The following ASXL1 variants were observed in gnomAD, a reference collection of about 807,000 sequenced individuals.
ASXL1 encodes ASXL transcriptional regulator 1, also known as polycomb group protein ASXL1.
In ASXL1, 65 loss-of-function variants were observed where a neutral mutation model predicts 89.1. That is an observed-to-expected ratio of 0.73 (90% CI 0.60 to 0.90). The LOEUF (loss-of-function observed/expected upper bound fraction) is 0.90. Among genes scored for constraint, ASXL1 ranks in the 40% least tolerant of loss-of-function variants. The pLI is 0.00. For synonymous variants in ASXL1, 739 were observed against 746.9 expected (o/e 0.99, Z 0.17); for missense variants, 1,786 against 1,942.9 (o/e 0.92, Z 1.52).
At chr20:32,431,729 G>C (rs925343962) in intron 10 of ASXL1, 50 bp downstream of exon 10, 1 of 1,570,622 alleles carries the variant, frequency 6.4e-7, no homozygotes, top group Non-Finnish European at 8.7e-7. Flanking sequence ...CTGTCGTGTG[G>C]TGTTGCATGT....
At chr20:32,420,005 T>A (rs1034906943) in intron 4 of ASXL1, among the ~76,000 whole-genome samples, 6 of 151,914 alleles carry the variant, frequency 3.9e-5, no homozygotes, top group African/African-American at 1.4e-4. Context: ...TAATTGATGA[T>A]GTTAATTGGT....
In ASXL1 at chr20:32,437,732, AC is replaced by A; in HGVS notation, c.*399del. ...TAAGTAGAAATGCCAGTCTTCCACT[AC>A]CCCCTCCCTGCCATCTTTTCTTCTG... On this transcript the variant is annotated 3_prime_UTR_variant, in exon 13 of 13. Transcript: ENST00000375687. 1 of 295,864 alleles carries A rather than the reference AC, an allele frequency of 3.4e-6. No individual in the cohort carries two copies. The highest frequency in any genetic ancestry group is 6.4e-6 in the Non-Finnish European group (1 of 156,670). 18.3% of individuals were successfully genotyped at this position (295,864 alleles called of 1,614,324 possible).
chr20:32,387,393 T>C (rs1038828570), intron 4 of ASXL1, among the ~76,000 whole-genome samples: 1 of 152,244 alleles, frequency 6.6e-6, no homozygotes, highest in African/African-American at 2.4e-5. Context: ...CTCAGATGCC[T>C]GCTGATCCTT....
In ASXL1 at chr20:32,434,669, G is replaced by A. The variant is rs537734228; in HGVS notation, c.1957G>A (p.Gly653Arg). Residue 653 changes from glycine to arginine, a missense_variant, in exon 13 of 13, where the codon GGG becomes AGG. Gly to Arg is a moderately radical substitution (Grantham distance 125). Coordinates refer to ENST00000375687, the MANE Select transcript of ASXL1 (RefSeq NM_015338.6). The part of the protein sequence containing the change: ...GGGGPGGGGG[G>R]ATDEGGGRGS... ...GGGTGGCCCGGGTGGAGGTGGCGGC[G>A]GGGCCACCGATGAGGGAGGTGGCAG... 60 of 1,602,068 alleles carry A rather than the reference G, an allele frequency of 3.7e-5. No homozygotes were observed. The Middle Eastern group carries it at 8.3e-4, about 22-fold the overall frequency.
chr20:32,417,038 TAAA>T (rs1230744715), intron 4 of ASXL1, among the ~76,000 whole-genome samples: 1 of 152,198 alleles, frequency 6.6e-6, no homozygotes, highest in Non-Finnish European at 1.5e-5. Context: ...GATTTAGTAG[TAAA>T]ACCTGACCTG....
intron 4 of ASXL1, among the ~76,000 whole-genome samples, chr20:32,382,664 T>C (rs1401990343): frequency 6.7e-6 from 1 of 150,340 alleles, no homozygotes; most frequent in Non-Finnish European, 1.5e-5. Context: ...CTCATGCCTG[T>C]GTTCCCAGCT....
At chr20:32,422,487 C>G (rs540751842) in intron 4 of ASXL1, among the ~76,000 whole-genome samples, 3 of 143,092 alleles carry the variant, frequency 2.1e-5, no homozygotes, top group Admixed American at 1.4e-4. Context: ...ATCCCAGTGT[C>G]TTGAAATTTG....
Position 32,432,993 on chromosome 20 carries a change from A to G in ASXL1, c.1085+8A>G. On this transcript the variant is annotated splice_region_variant and intron_variant, in intron 11 of 12. Coordinates refer to ENST00000375687, the MANE Select transcript of ASXL1 (RefSeq NM_015338.6). ...AGACTACTATGGACAGAAGTAAGGC[A>G]GTTGGAGCTATGAGTCCTGGTCTGG... 1.2e-6 allele frequency: 2 copies of G among 1,613,580 alleles called. No individual in the cohort carries two copies. The highest frequency in any genetic ancestry group is 1.7e-6 in the Non-Finnish European group (2 of 1,180,002).
intron 4 of ASXL1, among the ~76,000 whole-genome samples, chr20:32,373,823 G>A (rs959628510): frequency 2.6e-5 from 4 of 151,852 alleles, no homozygotes; most frequent in Non-Finnish European, 4.4e-5. Flanking sequence ...AGCCAAGATT[G>A]CACCACTGCA....
At chr20:32,372,115 C>G in intron 4 of ASXL1, 1 of 1,342,040 alleles carries the variant, frequency 7.5e-7, no homozygotes, top group Non-Finnish European at 9.9e-7. Context: ...TGGCATAGTA[C>G]GTGCTTTATG....
intron 1 of ASXL1, among the ~76,000 whole-genome samples, chr20:32,361,667 C>CTTG (rs1346603681): frequency 6.6e-6 from 1 of 150,762 alleles, no homozygotes; most frequent in African/African-American, 2.4e-5. Context: ...AGAAAAAGGA[C>CTTG]TTGTTGAGAA....
Position 32,396,849 on chromosome 20 carries a change from AT to A in ASXL1, c.252+27732del, listed in dbSNP as rs375953095. 7.2e-4 allele frequency among the ~76,000 whole-genome samples: 109 copies of A among 152,244 alleles called. 1 individual carries two copies. Among genetic ancestry groups the A allele is most frequent in the African/African-American group, 2.5e-3 (105 of 41,558 alleles). On this transcript the variant is annotated intron_variant, in intron 4 of 12. Coordinates refer to ENST00000375687, the MANE Select transcript of ASXL1 (RefSeq NM_015338.6). ...GTCACATACTGCTTACTAAGTTAGC[AT>A]TTTTTATGTGTTCATTTTGAAATAA...
chr20:32,434,947 T>A lies in ASXL1; in HGVS notation c.2235T>A (p.Asp745Glu), dbSNP rs2011714511. 6.2e-7 allele frequency: 1 copy of A among 1,614,040 alleles called. No individual in the cohort carries two copies. Among genetic ancestry groups the A allele is most frequent in the Non-Finnish European group, 8.5e-7 (1 of 1,180,034 alleles). The change falls in exon 13 of 13, where the codon GAT becomes GAA. Residue 745 changes from aspartate (D) to glutamate (E), a missense_variant. Coordinates refer to ENST00000375687, the MANE Select transcript of ASXL1 (RefSeq NM_015338.6). ...ATVGLTDGLG[D>E]ASQLPVAPTG... is the part of the protein sequence containing the mutation. ...TTGGACTCACAGATGGGCTAGGAGA[T>A]GCCTCCCAACTCCCCGTTGCTCCCA...
At chr20:32,394,681 A>C (rs1327155209) in intron 4 of ASXL1, among the ~76,000 whole-genome samples, 2 of 151,960 alleles carry the variant, frequency 1.3e-5, no homozygotes, top group Non-Finnish European at 2.9e-5. Context: ...ACAATACATT[A>C]TTATTTTTCA....
chr20:32,377,097 T>A (rs1238116244), intron 4 of ASXL1, among the ~76,000 whole-genome samples: 1 of 128,092 alleles, frequency 7.8e-6, no homozygotes, highest in Non-Finnish European at 1.6e-5. Context: ...GATATCTATA[T>A]TATATATAAT....
intron 4 of ASXL1, among the ~76,000 whole-genome samples, chr20:32,380,730 A>G (rs2048472217): frequency 6.6e-6 from 1 of 152,156 alleles, no homozygotes; most frequent in South Asian, 2.1e-4. Context: ...TGGGCGACTA[A>G]TTGAGACCCT....
rs796086406 is a variant in ASXL1, at chr20:32,379,821, G to A, written c.252+10698G>A. On this transcript the variant is annotated intron_variant, in intron 4 of 12. Transcript: ENST00000375687. ...AGCCTGGGTGACAGAGCAAGACTGC[G>A]TCTCAAAAAAAGAAAAAAATAAAAA... Among the ~76,000 whole-genome samples the A allele has an allele frequency of 1.5e-4, 15 of 101,172 alleles. No individual in the cohort carries two copies. The South Asian group carries it at 2.9e-3, about 20-fold the overall frequency. 66.4% of individuals were successfully genotyped at this position (101,172 alleles called of 152,430 possible).
At chr20:32,402,525 G>GA (rs2048892627) in intron 4 of ASXL1, among the ~76,000 whole-genome samples, 1 of 152,222 alleles carries the variant, frequency 6.6e-6, no homozygotes, top group Non-Finnish European at 1.5e-5. Flanking sequence ...AACTCTGTAA[G>GA]AAACGACTAC....
At position 32,433,312 on chromosome 20, in the gene ASXL1, C is replaced by T. The variant is rs199846284; in HGVS notation, c.1114C>T (p.Gln372Ter). 4.3e-6 allele frequency: 7 copies of T among 1,614,004 alleles called. No homozygotes were observed. Among genetic ancestry groups the T allele is most frequent in the Non-Finnish European group, 5.1e-6 (6 of 1,180,030 alleles). Residue 372 changes from glutamine to a stop codon, truncating the protein, a stop_gained, in exon 12 of 13, where the codon CAG (glutamine) becomes TAG (stop). Transcript: ENST00000375687. LOFTEE classifies it high-confidence loss of function. ...KLGLTKEESLQQNVGQEEAEI... is the reference protein window; with the variant it reads ...KLGLTKEESL ...GGGTTTGACCAAAGAAGAGTCATTG[C>T]AGCAGAACGTGGGCCAGGAGGAGGC...
Sources: allele counts gnomAD v4.1 joint callset (sites outside exome capture counted in the v4.1 genomes callset), GRCh38; gene constraint gnomAD v4.1.1; transcripts MANE v1.5; gene names NCBI Gene and HGNC (gene_info 2026-07-23, HGNC 2026-07-21).